Variants in EXOC4 observed in about 807,000 individuals in gnomAD.
EXOC4 encodes SEC8-like 1.
A neutral mutation model predicts 107.2 loss-of-function variants in EXOC4; 71 were observed. That is an observed-to-expected ratio of 0.66 (90% CI 0.55 to 0.81). The LOEUF (loss-of-function observed/expected upper bound fraction) is 0.81. Among genes scored for constraint, EXOC4 ranks in the 30% least tolerant of loss-of-function variants. The pLI is 0.00. For missense variants in EXOC4, 1,108 were observed against 1,189.6 expected, an observed-to-expected ratio of 0.93 and a Z score of 1.01; for synonymous variants, 456 against 441.2, an observed-to-expected ratio of 1.03 and a Z score of -0.42.
intron 12 of EXOC4, among the ~76,000 whole-genome samples, chr7:133,907,753 C>T (rs1355839276): frequency 3.3e-5 from 5 of 151,568 alleles, no homozygotes; most frequent in African/African-American, 4.9e-5. Flanking sequence ...GCAGGAGAAT[C>T]GCTTGAACCT....
chr7:133,392,361 G>C (rs1254404287), intron 7 of EXOC4, among the ~76,000 whole-genome samples: 3 of 152,180 alleles, frequency 2.0e-5, no homozygotes, highest in African/African-American at 4.8e-5. Flanking sequence ...CCCTGAGGTT[G>C]ACCTGGTACC....
intron 10 of EXOC4, among the ~76,000 whole-genome samples, chr7:133,780,303 T>TGA (rs1554400407): frequency 6.9e-6 from 1 of 143,898 alleles, no homozygotes; most frequent in African/African-American, 2.5e-5. Flanking sequence ...TTGAAGAATC[T>TGA]AAAAAAAAAA....
At chr7:133,358,606 T>C (rs1796074572) in intron 6 of EXOC4, among the ~76,000 whole-genome samples, 1 of 152,146 alleles carries the variant, frequency 6.6e-6, no homozygotes, top group Non-Finnish European at 1.5e-5. Flanking sequence ...TACTCTAAAA[T>C]TCTGGTTTGC....
chr7:133,474,483 T>C (rs996609440), intron 7 of EXOC4, among the ~76,000 whole-genome samples: 1 of 151,774 alleles, frequency 6.6e-6, no homozygotes, highest in African/African-American at 2.4e-5. Context: ...AATTTTTTTT[T>C]TTTTTTTAAA....
the EXOC4 span, among the ~76,000 whole-genome samples, chr7:134,076,999 G>A: frequency 1.3e-4 from 20 of 152,220 alleles, no homozygotes; most frequent in African/African-American, 4.8e-4. Context: ...GAGCAAGAGA[G>A]AGAGAGATGA....
At chr7:133,759,305 A>G (rs1432000150) in intron 10 of EXOC4, among the ~76,000 whole-genome samples, 1 of 152,202 alleles carries the variant, frequency 6.6e-6, no homozygotes. Flanking sequence ...CTCATGGAAT[A>G]TTAAACTAAG....
intron 7 of EXOC4, among the ~76,000 whole-genome samples, chr7:133,375,871 G>A (rs1442024396): frequency 1.3e-5 from 2 of 152,136 alleles, no homozygotes; most frequent in African/African-American, 2.4e-5. Flanking sequence ...TTCTCCATAT[G>A]TGAGCAAAAT....
At chr7:134,094,219 G>A in the EXOC4 span, among the ~76,000 whole-genome samples, 2 of 152,056 alleles carry the variant, frequency 1.3e-5, no homozygotes, top group African/African-American at 2.4e-5. Flanking sequence ...AATCAGAAAT[G>A]ACAAAGATGA....
At chr7:133,479,094 A>G (rs191424443) in intron 8 of EXOC4, 1 of 152,084 alleles carries the variant, frequency 6.6e-6, no homozygotes, top group African/African-American at 2.4e-5. Flanking sequence ...TGCTCGTACT[A>G]TGTTGCTGCT....
At chr7:133,799,412 C>CA (rs1435433220) in intron 10 of EXOC4, among the ~76,000 whole-genome samples, 1 of 152,162 alleles carries the variant, frequency 6.6e-6, no homozygotes, top group Non-Finnish European at 1.5e-5. Flanking sequence ...AATGGCAGGC[C>CA]AAATACCTTG....
intron 7 of EXOC4, among the ~76,000 whole-genome samples, chr7:133,400,286 A>G (rs1475819241): frequency 6.6e-6 from 1 of 152,218 alleles, no homozygotes; most frequent in Non-Finnish European, 1.5e-5. Context: ...CATATAATCT[A>G]ATGCAATAAG....
chr7:133,338,620 AAAATT>A (rs1795581745), intron 5 of EXOC4, among the ~76,000 whole-genome samples: 1 of 149,148 alleles, frequency 6.7e-6, no homozygotes, highest in Admixed American at 6.7e-5. Context: ...AAAAAAAAAA[AAAATT>A]TTTATTTCAT....
intron 14 of EXOC4, among the ~76,000 whole-genome samples, chr7:133,994,307 T>G (rs1041673231): frequency 6.6e-6 from 1 of 152,200 alleles, no homozygotes; most frequent in African/African-American, 2.4e-5. Flanking sequence ...TTCTTTTTTA[T>G]GGCTGCATAG....
chr7:133,529,752 A>T (rs1188357485), intron 9 of EXOC4, among the ~76,000 whole-genome samples: 1 of 152,138 alleles, frequency 6.6e-6, no homozygotes, highest in East Asian at 1.9e-4. Context: ...TTAGGGCAAA[A>T]AGAAAGATAA....
intron 17 of EXOC4, among the ~76,000 whole-genome samples, chr7:134,011,958 G>A (rs574469772): frequency 1.2e-4 from 19 of 152,154 alleles, no homozygotes; most frequent in Admixed American, 9.2e-4. Context: ...GGGAAAGAGC[G>A]TACCAGGAAA....
At chr7:133,670,032 A>G (rs1450086960) in intron 10 of EXOC4, among the ~76,000 whole-genome samples, 1 of 152,214 alleles carries the variant, frequency 6.6e-6, no homozygotes, top group Admixed American at 6.5e-5. Flanking sequence ...TAGTTCCTTC[A>G]ACTTTTGGTA....
At chr7:133,392,420 G>A (rs1796873618) in intron 7 of EXOC4, among the ~76,000 whole-genome samples, 1 of 152,126 alleles carries the variant, frequency 6.6e-6, no homozygotes, top group Non-Finnish European at 1.5e-5. Flanking sequence ...GGGAGGCAGT[G>A]TTAGGGTCCT....
intron 1 of EXOC4, among the ~76,000 whole-genome samples, chr7:133,261,982 C>T (rs546398938): frequency 1.3e-5 from 2 of 152,184 alleles, no homozygotes; most frequent in African/African-American, 4.8e-5. Flanking sequence ...TGTGCTGCAG[C>T]TCTTTCCCAT....
At chr7:133,850,548 C>T (rs1404473879) in intron 11 of EXOC4, among the ~76,000 whole-genome samples, 1 of 151,628 alleles carries the variant, frequency 6.6e-6, no homozygotes, top group Non-Finnish European at 1.5e-5. Context: ...TATTCCATTT[C>T]TCTTTGGGAA....
Sources: gnomAD v4.1 joint callset for allele counts (sites outside exome capture counted in the v4.1 genomes callset) on GRCh38, gnomAD v4.1.1 for gene constraint, MANE v1.5 for transcripts, NCBI Gene and HGNC (gene_info 2026-07-23, HGNC 2026-07-21) for gene names.